Variants in GPHN observed in about 807,000 individuals in gnomAD.
GPHN encodes gephyrin.
GPHN carries 17 observed loss-of-function variants against 95.5 expected under a neutral mutation model. That is an observed-to-expected ratio of 0.18 (90% confidence interval 0.12 to 0.27). GPHN has a LOEUF of 0.27. Among genes scored for constraint, GPHN ranks in the 10% least tolerant of loss-of-function variants. The pLI is 1.00. For missense variants in GPHN, 660 were observed against 978.1 expected (o/e 0.67, Z 4.34); for synonymous variants, 320 against 322.5 (o/e 0.99, Z 0.08).
chr14:67,365,448 G>A, the GPHN span, among the ~76,000 whole-genome samples: 2 of 152,176 alleles, frequency 1.3e-5, no homozygotes, highest in Admixed American at 6.5e-5. Flanking sequence ...TATAAGCTTT[G>A]AAAAAGCAAT....
intron 9 of GPHN, chr14:66,985,626 T>G: frequency 8.4e-7 from 1 of 1,192,732 alleles, no homozygotes; most frequent in Non-Finnish European, 1.2e-6. Context: ...ATAGAAAAAT[T>G]TTTAAGTTCA....
chr14:66,705,345 G>A (rs187427647), intron 2 of GPHN, among the ~76,000 whole-genome samples: 2 of 120,500 alleles, frequency 1.7e-5, no homozygotes, highest in African/African-American at 4.3e-5. Context: ...TACCAAAACC[G>A]GGAAGAGACA....
At chr14:66,599,179 C>G (rs981807946) in intron 1 of GPHN, among the ~76,000 whole-genome samples, 2 of 151,764 alleles carry the variant, frequency 1.3e-5, no homozygotes, top group African/African-American at 2.4e-5. Flanking sequence ...GTGTTCATTA[C>G]TACTGTTTTA....
At chr14:67,323,533 G>A in the GPHN span, among the ~76,000 whole-genome samples, 1 of 151,524 alleles carries the variant, frequency 6.6e-6, no homozygotes, top group East Asian at 1.9e-4. Context: ...GGGGCCACTT[G>A]AGTGCAGCAG....
intron 9 of GPHN, among the ~76,000 whole-genome samples, chr14:66,998,510 TCTTAG>T (rs916711399): frequency 6.6e-6 from 1 of 152,178 alleles, no homozygotes; most frequent in African/African-American, 2.4e-5. Flanking sequence ...GGAATATTCT[TCTTAG>T]CTTTCAATTT....
chr14:67,436,947 C>T, the GPHN span, among the ~76,000 whole-genome samples: 1 of 152,274 alleles, frequency 6.6e-6, no homozygotes, highest in African/African-American at 2.4e-5. Flanking sequence ...GTCCCAGCTA[C>T]ATGGGAGGTT....
intron 8 of GPHN, among the ~76,000 whole-genome samples, chr14:66,954,863 G>C (rs906448562): frequency 1.3e-5 from 2 of 152,132 alleles, no homozygotes; most frequent in African/African-American, 4.8e-5. Flanking sequence ...TAACGGAGAT[G>C]ATCATTTGTG....
chr14:67,572,540 C>A, the GPHN span, among the ~76,000 whole-genome samples: 1 of 152,170 alleles, frequency 6.6e-6, no homozygotes, highest in Non-Finnish European at 1.5e-5. Flanking sequence ...GCCCACCAGG[C>A]CCCATGAAGA....
chr14:66,776,316 A>G, intron 2 of GPHN, 148 bp from the exon 3 acceptor site: 1 of 676,108 alleles, frequency 1.5e-6, no homozygotes, highest in Non-Finnish European at 2.7e-6. Context: ...CATGGAAAAT[A>G]TATGCACAAA....
chr14:67,182,756 A>G (rs1284259903), downstream of GPHN, among the ~76,000 whole-genome samples: 1 of 152,082 alleles, frequency 6.6e-6, no homozygotes, highest in Non-Finnish European at 1.5e-5. Context: ...GAGTGTATAG[A>G]ATGTGATAAA....
chr14:66,712,607 A>G (rs1203759465), intron 2 of GPHN, among the ~76,000 whole-genome samples: 1 of 152,140 alleles, frequency 6.6e-6, no homozygotes, highest in African/African-American at 2.4e-5. Flanking sequence ...CTCTGATGGT[A>G]GTTTCTTTTG....
At chr14:67,165,888 G>A (rs191994168) in intron 20 of GPHN, among the ~76,000 whole-genome samples, 5 of 152,110 alleles carry the variant, frequency 3.3e-5, no homozygotes, top group Non-Finnish European at 5.9e-5. Context: ...CAAATTTTTT[G>A]TGATTTGGGG....
At chr14:67,169,068 G>A (rs1390374666) in intron 21 of GPHN, 32 bp downstream of exon 21, 3 of 1,264,002 alleles carry the variant, frequency 2.4e-6, no homozygotes, top group Admixed American at 3.4e-5. Context: ...AAACCAAAAT[G>A]GAAGCCTGGT....
intron 2 of GPHN, among the ~76,000 whole-genome samples, chr14:66,701,011 T>A (rs1595603050): frequency 6.6e-6 from 1 of 152,246 alleles, no homozygotes. Context: ...AAAGAGTACA[T>A]GCACAGAAAG....
the GPHN span, chr14:67,582,337 C>G: frequency 6.6e-7 from 1 of 1,511,588 alleles, no homozygotes; most frequent in East Asian, 2.4e-5. This position sits in a 1 kb window ranked among gnomAD's most constrained non-coding sequence, Gnocchi z 5.0. Flanking sequence ...TTTGCCATCT[C>G]TGGGATGGAA....
At chr14:67,680,886 A>G in the GPHN span, among the ~76,000 whole-genome samples, 1 of 152,280 alleles carries the variant, frequency 6.6e-6, no homozygotes, top group African/African-American at 2.4e-5. Flanking sequence ...ACAATGCTAT[A>G]GTAATCAAGA....
At chr14:66,965,506 G>A (rs1594656049) in intron 9 of GPHN, among the ~76,000 whole-genome samples, 181 bp downstream of exon 9, 1 of 152,198 alleles carries the variant, frequency 6.6e-6, no homozygotes, top group East Asian at 1.9e-4. Context: ...GCCACTAGTA[G>A]GACAATACAG....
At chr14:67,283,244 G>A in the GPHN span, among the ~76,000 whole-genome samples, 1 of 152,176 alleles carries the variant, frequency 6.6e-6, no homozygotes, top group Non-Finnish European at 1.5e-5. Flanking sequence ...GCATGTTTCA[G>A]TCTTAATTAG....
Position 67,080,735 on chromosome 14 carries a change from T to C in GPHN, c.1145-8248T>C, listed in dbSNP as rs566709832. On this transcript the variant is annotated intron_variant, in intron 11 of 22. Coordinates refer to ENST00000478722, the MANE Select transcript of GPHN (RefSeq NM_020806.5). ...CAAGCTGTATACACTGTACCCAATT[T>C]GTATTCTTTTATCCCTCACCTGCCT... 6.6e-5 allele frequency among the ~76,000 whole-genome samples: 10 copies of C among 152,252 alleles called. No individual in the cohort carries two copies. In the South Asian group the frequency reaches 2.1e-3, roughly 32 times the overall value.
Sources: gnomAD v4.1 joint callset for allele counts (sites outside exome capture counted in the v4.1 genomes callset) on GRCh38, gnomAD v4.1.1 for gene constraint, Gnocchi (gnomAD v3.1) non-coding constraint, MANE v1.5 for transcripts, NCBI Gene and HGNC (gene_info 2026-07-23, HGNC 2026-07-21) for gene names.